PCDHA10: variants seen among roughly 807,000 people sequenced by gnomAD.
PCDHA10 encodes the protein protocadherin alpha 10, also known as protocadherin alpha-10.
Under a neutral mutation model 61.2 loss-of-function variants are expected in PCDHA10, and 45 were observed. The observed-to-expected ratio is 0.74, with a 90% CI of 0.58 to 0.94. The LOEUF (loss-of-function observed/expected upper bound fraction) is 0.94, where lower values mean the gene tolerates loss of function less well. PCDHA10 is among the 40% of genes least tolerant of loss of function. The pLI, the probability that PCDHA10 is intolerant of heterozygous loss-of-function variation, is 0.00. For synonymous variants in PCDHA10, 602 were observed against 548.8 expected (o/e 1.10, Z -1.35); for missense variants, 1,278 against 1,236.2 (o/e 1.03, Z -0.51).
At chr5:140,953,058 C>T (rs1186621578) in intron 1 of PCDHA10, among the ~76,000 whole-genome samples, 1 of 152,202 alleles carries the variant, frequency 6.6e-6, no homozygotes, top group African/African-American at 2.4e-5. Flanking sequence ...TCACCTCTCA[C>T]AGGCCCCATC....
intron 1 of PCDHA10, among the ~76,000 whole-genome samples, chr5:140,946,403 CATAGAA>C (rs1425933072): frequency 1.3e-5 from 2 of 151,512 alleles, no homozygotes; most frequent in African/African-American, 2.4e-5. Flanking sequence ...TTAGTACAAT[CATAGAA>C]AACAATATGG....
intron 1 of PCDHA10, among the ~76,000 whole-genome samples, chr5:140,974,086 A>G (rs1554235813): frequency 2.6e-5 from 4 of 152,256 alleles, no homozygotes; most frequent in Non-Finnish European, 5.9e-5. Context: ...CATGACTTCA[A>G]AAATCAAAGG....
Position 140,856,266 on chromosome 5 carries a change from T to C in PCDHA10, c.218T>C (p.Leu73Pro), listed in dbSNP as rs1581394564. Residue 73 changes from leucine (L) to proline (P), a missense_variant, in exon 1 of 4, where the codon CTT (leucine) becomes CCT (proline). Coordinates refer to ENST00000307360, the MANE Select transcript of PCDHA10 (RefSeq NM_018901.4). ...FRVASKRHGD[L>P]LEVNLQNGIL... ...GTGGCGTCCAAAAGACACGGGGACC[T>C]TCTGGAGGTAAATCTGCAGAATGGC... 7 of 1,598,200 alleles carry C rather than the reference T, an allele frequency of 4.4e-6. No homozygotes were observed. The East Asian group carries it at 1.6e-4, about 36-fold the overall frequency.
At position 140,858,328 on chromosome 5, in the gene PCDHA10, G is replaced by T. The variant is rs782462952; in HGVS notation, c.2280G>T (p.Glu760Asp). Reference sequence around the variant, plus strand: ...GGCGGCAGAGGGTGTGTTCTGGGGAGGGCCTGCCCAAGGCGGACCTCATGG... The same window carrying T: ...GGCGGCAGAGGGTGTGTTCTGGGGATGGCCTGCCCAAGGCGGACCTCATGG... ...QQRRQRVCSG[E>D]GLPKADLMAF... is the part of the protein sequence containing the mutation. The change falls in exon 1 of 4, where the codon GAG becomes GAT. Residue 760 changes from glutamate to aspartate, a missense_variant. By Grantham distance (45) the Glu-to-Asp change is conservative. Transcript: ENST00000307360. 1 of 1,596,534 alleles carries T rather than the reference G, an allele frequency of 6.3e-7. No individual in the cohort carries two copies. Among genetic ancestry groups the T allele is most frequent in the South Asian group, 1.1e-5 (1 of 90,374 alleles).
intron 1 of PCDHA10, chr5:140,876,771 T>C: frequency 6.2e-7 from 1 of 1,614,228 alleles, no homozygotes; most frequent in African/African-American, 1.3e-5. Flanking sequence ...GGGGCTCGCC[T>C]TCGCTGTGGG....
intron 1 of PCDHA10, among the ~76,000 whole-genome samples, chr5:140,955,418 G>A: frequency 6.6e-6 from 1 of 152,140 alleles, no homozygotes; most frequent in Non-Finnish European, 1.5e-5. Flanking sequence ...ATGATAGTGA[G>A]TGAGTTCTCA....
At chr5:140,909,983 C>T (rs2074810620) in intron 1 of PCDHA10, among the ~76,000 whole-genome samples, 1 of 152,214 alleles carries the variant, frequency 6.6e-6, no homozygotes, top group Non-Finnish European at 1.5e-5. Context: ...GGGAGAAAGA[C>T]TAACAGCATA....
intron 1 of PCDHA10, among the ~76,000 whole-genome samples, chr5:140,923,204 C>T (rs1175108066): frequency 1.3e-5 from 2 of 151,950 alleles, no homozygotes; most frequent in Non-Finnish European, 2.9e-5. Flanking sequence ...ATTTGGGAGG[C>T]TAAGGTGAAA....
chr5:140,967,472 G>C (rs782183935), intron 1 of PCDHA10: 3 of 1,613,430 alleles, frequency 1.9e-6, no homozygotes, highest in Non-Finnish European at 2.5e-6. Flanking sequence ...GGGCATCCCA[G>C]CCCGCTCGGG....
intron 1 of PCDHA10, chr5:140,862,681 G>T: frequency 1.8e-6 from 1 of 551,660 alleles, no homozygotes. Context: ...GAACGTGCTG[G>T]TGTCCTACTC....
chr5:140,974,057 G>A (rs1302269611), intron 1 of PCDHA10, among the ~76,000 whole-genome samples: 1 of 152,154 alleles, frequency 6.6e-6, no homozygotes, highest in Non-Finnish European at 1.5e-5. Flanking sequence ...ATAATATTTG[G>A]AGCAGTATAA....
At chr5:140,951,544 G>C (rs543008494) in intron 1 of PCDHA10, among the ~76,000 whole-genome samples, 1 of 151,878 alleles carries the variant, frequency 6.6e-6, no homozygotes, top group African/African-American at 2.4e-5. Context: ...AGCAAGGGAC[G>C]GGGGGAAGTG....
intron 3 of PCDHA10, among the ~76,000 whole-genome samples, chr5:140,997,684 G>A (rs2097780776): frequency 6.6e-6 from 1 of 152,116 alleles, no homozygotes; most frequent in African/African-American, 2.4e-5. Context: ...GTGTGTGTGT[G>A]TGTGTGTGTG....
chr5:140,931,693 A>G (rs1001252056), intron 1 of PCDHA10, among the ~76,000 whole-genome samples: 1 of 152,004 alleles, frequency 6.6e-6, no homozygotes, highest in African/African-American at 2.4e-5. Context: ...ATTGTGATTC[A>G]TAAAACCATG....
At chr5:140,929,104 A>G in intron 1 of PCDHA10, 1 of 1,614,240 alleles carries the variant, frequency 6.2e-7, no homozygotes. Flanking sequence ...TCCTTGCATG[A>G]CATCAGCCAC....
intron 3 of PCDHA10, among the ~76,000 whole-genome samples, chr5:140,990,224 G>A (rs1368393390): frequency 6.6e-6 from 1 of 152,160 alleles, no homozygotes; most frequent in South Asian, 2.1e-4. Flanking sequence ...GAAGTTTATT[G>A]TAACTAGCGT....
Position 141,010,021 on chromosome 5 carries a change from T to C in PCDHA10, c.*84T>C. 1 of 1,572,108 alleles carries C rather than the reference T, an allele frequency of 6.4e-7. No individual in the cohort carries two copies. The highest frequency in any genetic ancestry group is 1.9e-5 in the Admixed American group (1 of 52,756). On this transcript the variant is annotated 3_prime_UTR_variant, in exon 4 of 4. Coordinates refer to ENST00000307360, the MANE Select transcript of PCDHA10 (RefSeq NM_018901.4). ...CATGTAGCAATTCCCTGCTCCTTTTTCCTATCTACATGAGCCCTCTTAGAG... is the reference window on the plus strand; with the variant it reads ...CATGTAGCAATTCCCTGCTCCTTTTCCCTATCTACATGAGCCCTCTTAGAG...
intron 1 of PCDHA10, among the ~76,000 whole-genome samples, chr5:140,918,114 G>C (rs989175486): frequency 5.8e-4 from 89 of 152,144 alleles, no homozygotes; most frequent in African/African-American, 2.1e-3. Flanking sequence ...TCACATCCTT[G>C]ATTAGCCATA....
At position 140,858,307 on chromosome 5, in the gene PCDHA10, G is replaced by T; in HGVS notation, c.2259G>T (p.Arg753=). The change falls in exon 1 of 4, where the codon CGG becomes CGT. Residue 753 remains arginine, a synonymous_variant. Transcript: ENST00000307360. The part of the protein sequence containing the change: ...VGSWSYSQQR[R]QRVCSGEGLP... ...GCTGGTCTTACTCGCAGCAGAGGCG[G>T]CAGAGGGTGTGTTCTGGGGAGGGCC... 6.3e-7 allele frequency: 1 copy of T among 1,597,292 alleles called. No individual in the cohort carries two copies. The highest frequency in any genetic ancestry group is 8.6e-7 in the Non-Finnish European group (1 of 1,167,064).
Sources: allele counts gnomAD v4.1 joint callset (sites outside exome capture counted in the v4.1 genomes callset), GRCh38; gene constraint gnomAD v4.1.1; transcripts MANE v1.5; gene names NCBI Gene and HGNC (gene_info 2026-07-23, HGNC 2026-07-21).